Variants in GATA4 observed in about 807,000 individuals in gnomAD.
The protein encoded by GATA4 is GATA binding protein 4.
A neutral mutation model predicts 37.9 loss-of-function variants in GATA4; 7 were observed. The ratio of observed to expected loss-of-function variants is 0.18; its 90% CI spans 0.11 to 0.35. The LOEUF (loss-of-function observed/expected upper bound fraction) is 0.35, where lower values mean the gene tolerates loss of function less well. Among genes scored for constraint, GATA4 ranks in the 10% least tolerant of loss-of-function variants. The probability of loss-of-function intolerance (pLI) is 1.00; values close to 1 mark genes in which losing one functional copy is unlikely to be tolerated. For synonymous variants in GATA4, 372 were observed against 292.6 expected, an observed-to-expected ratio of 1.27 and a Z score of -2.77; for missense variants, 647 against 653.0, an observed-to-expected ratio of 0.99 and a Z score of 0.10.
chr8:11,689,408 C>T (rs1799242448), upstream of GATA4, among the ~76,000 whole-genome samples: 2 of 152,130 alleles, frequency 1.3e-5, no homozygotes, highest in Admixed American at 1.3e-4. Flanking sequence ...CAGCATGCAC[C>T]TGACCTGTTT....
intron 2 of GATA4, among the ~76,000 whole-genome samples, chr8:11,729,031 G>A (rs771226830): frequency 6.6e-6 from 1 of 152,012 alleles, no homozygotes; most frequent in Non-Finnish European, 1.5e-5. Context: ...TCAGGAATTC[G>A]AGACCAGCCG....
At chr8:11,692,116 G>A (rs556248987), upstream of GATA4, 1 of 877,182 alleles carries the variant, frequency 1.1e-6, no homozygotes, top group Non-Finnish European at 1.4e-6. Context: ...GCAGGAGCTC[G>A]GGCCACCTGT....
upstream of GATA4, among the ~76,000 whole-genome samples, chr8:11,691,798 C>A (rs1392532708): frequency 1.3e-5 from 2 of 152,160 alleles, no homozygotes; most frequent in Non-Finnish European, 2.9e-5. Context: ...GTCCCTCCCT[C>A]CTCTTTCTAT....
At chr8:11,751,093 A>T (rs1802281820) in intron 4 of GATA4, among the ~76,000 whole-genome samples, 2 of 152,218 alleles carry the variant, frequency 1.3e-5, no homozygotes, top group Non-Finnish European at 2.9e-5. Context: ...TTAGCCATAT[A>T]AGAATAGTTA....
chr8:11,677,426 G>A (rs1372067193), intron 1 of GATA4, among the ~76,000 whole-genome samples: 1 of 152,194 alleles, frequency 6.6e-6, no homozygotes, highest in East Asian at 1.9e-4. Flanking sequence ...GGGGTGCCTG[G>A]TGTCTCAGGA....
intron 2 of GATA4, among the ~76,000 whole-genome samples, chr8:11,727,354 G>T (rs184443852): frequency 2.0e-4 from 31 of 152,298 alleles, no homozygotes; most frequent in South Asian, 4.1e-4. Context: ...TGCTGGGAAG[G>T]GGGGAGAGCT....
Position 11,758,341 on chromosome 8 carries a change from G to T in GATA4, c.1198G>T (p.Val400Phe). The change falls in exon 7 of 7, where the codon GTC (valine) becomes TTC (phenylalanine). Residue 400 changes from valine (V) to phenylalanine (F), a missense_variant. Physicochemically the swap from Val to Phe is conservative, Grantham distance 50. This residue lies in a region of GATA4 where 184 missense variants were observed against 157.1 expected (regional missense o/e 1.17). Coordinates refer to ENST00000532059, the MANE Select transcript of GATA4 (RefSeq NM_001308093.3). ...MSGHGPSIHP[V>F]LSALKLSPQG... ...TGGCCATGGGCCCTCCATCCACCCT[G>T]TCCTCTCGGCCCTGAAGCTCTCCCC... is the stretch of plus-strand genomic sequence containing the variant. 1.2e-6 allele frequency: 2 copies of T among 1,614,122 alleles called. No homozygotes were observed. The highest frequency in any genetic ancestry group is 1.7e-6 in the Non-Finnish European group (2 of 1,180,026).
Position 11,683,991 on chromosome 8 carries a change from G to A in GATA4, c.-274+6928G>A, listed in dbSNP as rs1187729609. ...GGACTGCTGAGCCCTTAATGCTACT[G>A]TGACTCCCAAGTCTCCGGGTTTATG... On this transcript the variant is annotated intron_variant, in intron 1 of 6. Transcript: ENST00000528712. 2.6e-5 allele frequency among the ~76,000 whole-genome samples: 4 copies of A among 152,200 alleles called. No homozygotes were observed. The South Asian group carries it at 8.3e-4, about 31-fold the overall frequency.
At chr8:11,715,974 G>A (rs1030497560) in intron 2 of GATA4, among the ~76,000 whole-genome samples, 9 of 152,056 alleles carry the variant, frequency 5.9e-5, no homozygotes, top group East Asian at 1.9e-4. Context: ...AGTGTTTGTC[G>A]TTTTGTTTCT....
intron 5 of GATA4, among the ~76,000 whole-genome samples, chr8:11,755,347 T>C (rs932279117): frequency 6.6e-6 from 1 of 152,152 alleles, no homozygotes; most frequent in Non-Finnish European, 1.5e-5. Flanking sequence ...CAGGCTCAAC[T>C]CAAGCTGGGG....
chr8:11,731,186 C>A (rs1801190193), intron 2 of GATA4, among the ~76,000 whole-genome samples: 1 of 152,218 alleles, frequency 6.6e-6, no homozygotes, highest in Non-Finnish European at 1.5e-5. Context: ...TGAGGAGTTT[C>A]CTGGCTGGAT....
At position 11,735,619 on chromosome 8, in the gene GATA4, A is replaced by G. The variant is rs531702013; in HGVS notation, c.617-13297A>G. Reference sequence around the variant, plus strand: ...CTCTTATTGCCCAGGCTGGAGTGCAATGGTGCAATCTCGGCTCACTGCAAC... The same window carrying G: ...CTCTTATTGCCCAGGCTGGAGTGCAGTGGTGCAATCTCGGCTCACTGCAAC... On this transcript the variant is annotated intron_variant, in intron 2 of 6. Transcript: ENST00000532059. Among the ~76,000 whole-genome samples, 7 of 151,982 alleles carry G rather than the reference A, an allele frequency of 4.6e-5. No homozygotes were observed. In the South Asian group the frequency reaches 6.2e-4, roughly 14 times the overall value.
At chr8:11,692,969 C>A (rs1490181697) in intron 1 of GATA4, 2 of 985,176 alleles carry the variant, frequency 2.0e-6, no homozygotes, top group Non-Finnish European at 2.4e-6. Context: ...CAGGCGCCGG[C>A]CCCGCGGCCA....
intron 1 of GATA4, among the ~76,000 whole-genome samples, chr8:11,682,912 G>A (rs557597441): frequency 6.6e-6 from 1 of 152,314 alleles, no homozygotes. Flanking sequence ...GAATTCGGTA[G>A]GTAGTAGCTA....
chr8:11,680,013 CA>C (rs1798903383), intron 1 of GATA4, among the ~76,000 whole-genome samples: 1 of 152,258 alleles, frequency 6.6e-6, no homozygotes, highest in South Asian at 2.1e-4. Context: ...AGAAGTTAAT[CA>C]GCTCAAAGTC....
At chr8:11,733,297 A>G (rs907033824) in intron 2 of GATA4, among the ~76,000 whole-genome samples, 4 of 152,220 alleles carry the variant, frequency 2.6e-5, no homozygotes, top group Admixed American at 1.3e-4. Flanking sequence ...TGTCCAGCTG[A>G]TTATAAAATT....
chr8:11,677,563 T>C (rs1798823310), intron 1 of GATA4, among the ~76,000 whole-genome samples: 5 of 152,218 alleles, frequency 3.3e-5, no homozygotes, highest in Admixed American at 3.3e-4. Flanking sequence ...CTTGGTGTCC[T>C]CTTAAGAACG....
chr8:11,677,512 T>G (rs1175186205), intron 1 of GATA4, among the ~76,000 whole-genome samples: 2 of 152,200 alleles, frequency 1.3e-5, no homozygotes, highest in Admixed American at 6.5e-5. Flanking sequence ...TGGCCTCTGC[T>G]TCCTCCAGAA....
At chr8:11,734,424 A>G (rs1364322546) in intron 2 of GATA4, among the ~76,000 whole-genome samples, 2 of 152,228 alleles carry the variant, frequency 1.3e-5, no homozygotes, top group Non-Finnish European at 2.9e-5. Context: ...CCTGCTTTGC[A>G]GAAGACCATC....
Sources: allele counts gnomAD v4.1 joint callset (sites outside exome capture counted in the v4.1 genomes callset), GRCh38; gene constraint gnomAD v4.1.1; regional missense constraint gnomAD v4.1.1; transcripts MANE v1.5; gene names NCBI Gene and HGNC (gene_info 2026-07-23, HGNC 2026-07-21).